CRTAC1: variants seen among roughly 807,000 people sequenced by gnomAD.
CRTAC1 encodes the protein acidic secreted protein in cartilage.
In CRTAC1, 37 loss-of-function variants were observed where a neutral mutation model predicts 67.8. That is an observed-to-expected ratio of 0.55 (90% confidence interval 0.42 to 0.72). CRTAC1 has a LOEUF of 0.72. Ranked by LOEUF, CRTAC1 falls within the 30% of genes least tolerant of loss-of-function variation. CRTAC1 has a pLI of 0.00. For missense variants in CRTAC1, 780 were observed against 931.6 expected, an observed-to-expected ratio of 0.84 and a Z score of 2.12; for synonymous variants, 348 against 371.0, an observed-to-expected ratio of 0.94 and a Z score of 0.71.
Position 97,895,004 on chromosome 10 carries a change from C to T in CRTAC1, c.1486+241G>A, listed in dbSNP as rs1342825245. ...CTCTGACCCCAAGGTGAACTAATTCCACAGAGGCACTGGGGTGGGGACTCC... is the reference window on the plus strand; with the variant it reads ...CTCTGACCCCAAGGTGAACTAATTCTACAGAGGCACTGGGGTGGGGACTCC... On this transcript the variant is annotated intron_variant, in intron 11 of 14. Transcript: ENST00000370597. This position sits in a 1 kb window ranked among gnomAD's most constrained non-coding sequence, Gnocchi z 4.2. 6.6e-6 allele frequency among the ~76,000 whole-genome samples: 1 copy of T among 151,742 alleles called. No individual in the cohort carries two copies. The highest frequency in any genetic ancestry group is 1.5e-5 in the Non-Finnish European group (1 of 67,938).
rs771525002 is a variant in CRTAC1 at position 97,936,262 on chromosome 10, C to T, written c.329G>A (p.Arg110Gln). 7 of 1,614,142 alleles carry T rather than the reference C, an allele frequency of 4.3e-6. No homozygotes were observed. Among genetic ancestry groups the T allele is most frequent in the East Asian group, 2.2e-5 (1 of 44,882 alleles). The change falls in exon 3 of 15, where the codon CGG (arginine) becomes CAG (glutamine). Residue 110 changes from arginine (R) to glutamine (Q), a missense_variant. By Grantham distance (43) the Arg-to-Gln change is conservative. Coordinates refer to ENST00000370597, the MANE Select transcript of CRTAC1 (RefSeq NM_018058.7). ...RSSPYYALRDRQGNAIGVTAC... is the reference protein window; with the variant it reads ...RSSPYYALRDQQGNAIGVTAC... ...TGTGACCCCGATGGCGTTCCCCTGC[C>T]GGTCCCGCAGCGCGTAGTAGGGTGA... is the stretch of plus-strand genomic sequence containing the variant.
chr10:97,953,685 G>C (rs181098158), intron 2 of CRTAC1, among the ~76,000 whole-genome samples: 4 of 152,306 alleles, frequency 2.6e-5, no homozygotes, highest in Admixed American at 1.3e-4. Flanking sequence ...CTTTCAGTGA[G>C]AAACTAAAGC....
chr10:97,897,256 TG>T (rs1335450144), intron 8 of CRTAC1, among the ~76,000 whole-genome samples: 2 of 152,216 alleles, frequency 1.3e-5, no homozygotes, highest in Non-Finnish European at 2.9e-5. Context: ...GGGCAGTTGA[TG>T]GATGAAGAAG....
intron 9 of CRTAC1, 95 bp from the exon 10 acceptor site, chr10:97,896,080 G>A (rs2050455072): frequency 1.7e-5 from 19 of 1,103,740 alleles, no homozygotes; most frequent in Admixed American, 1.6e-4. Context: ...AGCCCTGGGC[G>A]TGGGAGCCAG....
At chr10:97,962,067 G>C (rs144980578) in intron 2 of CRTAC1, among the ~76,000 whole-genome samples, 1 of 152,266 alleles carries the variant, frequency 6.6e-6, no homozygotes, top group East Asian at 1.9e-4. Context: ...GTGCTCAGGA[G>C]CCCAGCAAAT....
At chr10:98,003,136 T>C (rs1221178080) in intron 2 of CRTAC1, among the ~76,000 whole-genome samples, 2 of 152,168 alleles carry the variant, frequency 1.3e-5, no homozygotes, top group African/African-American at 4.8e-5. Context: ...AAAGAATACA[T>C]TTGTTGGTAG....
At chr10:98,009,584 G>T (rs1842868172) in intron 2 of CRTAC1, among the ~76,000 whole-genome samples, 1 of 152,168 alleles carries the variant, frequency 6.6e-6, no homozygotes, top group Non-Finnish European at 1.5e-5. Flanking sequence ...ATTGCATAGG[G>T]TTTATAGATA....
intron 1 of CRTAC1, among the ~76,000 whole-genome samples, chr10:98,014,040 A>T (rs1280618268): frequency 6.6e-6 from 1 of 152,254 alleles, no homozygotes; most frequent in Non-Finnish European, 1.5e-5. Flanking sequence ...AAAGTCAGGG[A>T]TAAGCAGTGG....
intron 5 of CRTAC1, among the ~76,000 whole-genome samples, chr10:97,915,742 G>A (rs1297467492): frequency 6.6e-6 from 1 of 152,184 alleles, no homozygotes; most frequent in African/African-American, 2.4e-5. Flanking sequence ...GAAAGGGTGG[G>A]CTGGAGAAGG....
chr10:97,939,551 T>C (rs1020875833), intron 2 of CRTAC1, among the ~76,000 whole-genome samples: 5 of 152,156 alleles, frequency 3.3e-5, no homozygotes, highest in African/African-American at 1.2e-4. Flanking sequence ...GGGCAGTGCC[T>C]GGAGTTGCCA....
intron 2 of CRTAC1, among the ~76,000 whole-genome samples, chr10:97,940,135 A>G (rs1392174305): frequency 6.6e-6 from 1 of 152,208 alleles, no homozygotes; most frequent in Non-Finnish European, 1.5e-5. Context: ...GCGTGCCTAG[A>G]ATTATGCTAA....
chr10:97,908,384 G>C (rs1253921751), intron 5 of CRTAC1, among the ~76,000 whole-genome samples: 4 of 152,174 alleles, frequency 2.6e-5, no homozygotes, highest in Non-Finnish European at 5.9e-5. Flanking sequence ...CCGGGCATGG[G>C]GACCCCACAC....
rs549781727 is a variant in CRTAC1 at position 97,993,681 on chromosome 10, T to C, written c.224+17457A>G. On this transcript the variant is annotated intron_variant, in intron 2 of 14. Coordinates refer to ENST00000370597, the MANE Select transcript of CRTAC1 (RefSeq NM_018058.7). Reference sequence around the variant, plus strand: ...TGTTTATTATTTTCATTAATCCTCTTATCTAAAATCCTCCATCCACCCATA... The same window carrying C: ...TGTTTATTATTTTCATTAATCCTCTCATCTAAAATCCTCCATCCACCCATA... Among the ~76,000 whole-genome samples the C allele has an allele frequency of 1.9e-3, 289 of 152,366 alleles. 1 individual carries two copies. Among genetic ancestry groups the C allele is most frequent in the Non-Finnish European group, 3.4e-3 (234 of 68,032 alleles).
chr10:97,873,589 G>A (rs550393774), intron 14 of CRTAC1, among the ~76,000 whole-genome samples: 26 of 152,270 alleles, frequency 1.7e-4, no homozygotes, highest in African/African-American at 5.3e-4. Flanking sequence ...CTACAGCCAG[G>A]TCTGGGGTGG....
At chr10:97,987,885 C>T (rs2052009452) in intron 2 of CRTAC1, among the ~76,000 whole-genome samples, 1 of 152,148 alleles carries the variant, frequency 6.6e-6, no homozygotes, top group African/African-American at 2.4e-5. Context: ...TCAATCCTAC[C>T]CCCTTTCCCA....
Position 97,975,983 on chromosome 10 carries a change from GCCCC to G in CRTAC1, c.224+35151_224+35154del, listed in dbSNP as rs933016067. On this transcript the variant is annotated intron_variant, in intron 2 of 14. Coordinates refer to ENST00000370597, the MANE Select transcript of CRTAC1 (RefSeq NM_018058.7). The surrounding 1 kb of genome is among the most constrained non-coding windows in gnomAD (Gnocchi z 4.8). ...CCCCTATAGAGACCACTGACGTGGA[GCCCC>G]CAAACCCAGAGGAAGAGAGACAGCT... Among the ~76,000 whole-genome samples, 8 of 152,180 alleles carry G rather than the reference GCCCC, an allele frequency of 5.3e-5. No individual in the cohort carries two copies. The highest frequency in any genetic ancestry group is 1.9e-4 in the African/African-American group (8 of 41,442).
chr10:98,003,148 A>G (rs1217390299), intron 2 of CRTAC1, among the ~76,000 whole-genome samples: 1 of 152,190 alleles, frequency 6.6e-6, no homozygotes, highest in African/African-American at 2.4e-5. Flanking sequence ...TGTTGGTAGC[A>G]TATTTCGTTT....
chr10:97,903,936 A>G (rs1449517797), intron 7 of CRTAC1, among the ~76,000 whole-genome samples: 2 of 152,052 alleles, frequency 1.3e-5, no homozygotes, highest in Non-Finnish European at 2.9e-5. Flanking sequence ...CGTGGCTTCA[A>G]TCTTCCATTC....
intron 11 of CRTAC1, among the ~76,000 whole-genome samples, chr10:97,890,430 GAAA>G (rs1036074557): frequency 1.5e-4 from 23 of 151,964 alleles, no homozygotes; most frequent in African/African-American, 5.3e-4. Flanking sequence ...TTAAGAGGGG[GAAA>G]AAAAGCAAGT....
Sources: gnomAD v4.1 joint callset for allele counts (sites outside exome capture counted in the v4.1 genomes callset) on GRCh38, gnomAD v4.1.1 for gene constraint, Gnocchi (gnomAD v3.1) non-coding constraint, MANE v1.5 for transcripts, NCBI Gene and HGNC (gene_info 2026-07-23, HGNC 2026-07-21) for gene names.